The following NIBAN2 variants were observed in gnomAD, a reference collection of about 807,000 sequenced individuals.
NIBAN2 encodes the protein protein Niban 2.
In NIBAN2, 36 loss-of-function variants were observed where a neutral mutation model predicts 81.8. That is an observed-to-expected ratio of 0.44 (90% CI 0.34 to 0.58). The LOEUF (loss-of-function observed/expected upper bound fraction) is 0.58. Ranked by LOEUF, NIBAN2 falls within the 20% of genes least tolerant of loss-of-function variation. The pLI, the probability that NIBAN2 is intolerant of heterozygous loss-of-function variation, is 0.02. For synonymous variants in NIBAN2, 445 were observed against 441.6 expected (o/e 1.01, Z -0.10); for missense variants, 897 against 1,014.1 (o/e 0.88, Z 1.57).
At chr9:127,562,439 T>G (rs575646709) in intron 1 of NIBAN2, among the ~76,000 whole-genome samples, 4 of 152,294 alleles carry the variant, frequency 2.6e-5, no homozygotes. Context: ...CAGTTATCAC[T>G]CCGAGCCTGA....
rs766673423 is a variant in NIBAN2, at chr9:127,510,253, C to G, written c.1054G>C (p.Val352Leu). 2.5e-6 allele frequency: 4 copies of G among 1,614,050 alleles called. No homozygotes were observed. In the Admixed American group the frequency reaches 6.7e-5, roughly 27 times the overall value. The change falls in exon 9 of 14, where the codon GTC becomes CTC. Residue 352 changes from valine to leucine, a missense_variant. Val to Leu is a conservative substitution (Grantham distance 32, BLOSUM62 1). Coordinates refer to ENST00000373312, the MANE Select transcript of NIBAN2 (RefSeq NM_022833.4). Reference sequence around the variant, plus strand: ...TCAGTGAAGCCCTGGCTGGTGGGGACCATCAGGGCCTCCAGGATGGATGGG... The same window carrying G: ...TCAGTGAAGCCCTGGCTGGTGGGGAGCATCAGGGCCTCCAGGATGGATGGG... Reference protein sequence around the residue: ...YIPSILEALMVPTSQGFTEVR... With the variant: ...YIPSILEALMLPTSQGFTEVR...
Position 127,563,808 on chromosome 9 carries a change from C to G in NIBAN2, c.55+5012G>C, listed in dbSNP as rs1444162900. Reference sequence around the variant, plus strand: ...GAATTACAAGCGTGAGTCACCGCGCCCAGCAGAGAGGTAAGTTTTTAAAAT... The same window carrying G: ...GAATTACAAGCGTGAGTCACCGCGCGCAGCAGAGAGGTAAGTTTTTAAAAT... On this transcript the variant is annotated intron_variant, in intron 1 of 13. Coordinates refer to ENST00000373312, the MANE Select transcript of NIBAN2 (RefSeq NM_022833.4). The surrounding 1 kb of genome is among the most constrained non-coding windows in gnomAD (Gnocchi z 4.1). Among the ~76,000 whole-genome samples the G allele has an allele frequency of 6.6e-6, 1 of 152,108 alleles. No individual in the cohort carries two copies. The highest frequency in any genetic ancestry group is 2.4e-5 in the African/African-American group (1 of 41,410).
intron 2 of NIBAN2, among the ~76,000 whole-genome samples, chr9:127,530,290 C>T (rs192505178): frequency 1.1e-4 from 17 of 152,316 alleles, no homozygotes; most frequent in African/African-American, 4.1e-4. Flanking sequence ...TGAGCAGCTC[C>T]GACACACGGT....
upstream of NIBAN2, among the ~76,000 whole-genome samples, chr9:127,572,685 G>A (rs1489344465): frequency 6.6e-6 from 1 of 152,072 alleles, no homozygotes; most frequent in Non-Finnish European, 1.5e-5. Flanking sequence ...TGTCCTCACA[G>A]CTTCTGGGGT....
intron 9 of NIBAN2, 25 bp downstream of exon 9, chr9:127,510,121 C>T (rs1474961751): frequency 6.3e-7 from 1 of 1,588,896 alleles, no homozygotes; most frequent in African/African-American, 1.3e-5. Flanking sequence ...AGGAGACCCC[C>T]TCCTAGGGGC....
In NIBAN2 at chr9:127,516,994, A is replaced by G. The variant is rs1419008015; in HGVS notation, c.836T>C (p.Val279Ala). ...IQISDAVYHM[V>A]YEQAKARFEE... ...GAAGCGCGCCTTGGCCTGCTCGTAC[A>G]CCATGTGGTACACGGCGTCCGAGAT... Residue 279 changes from valine (V) to alanine (A), a missense_variant, in exon 8 of 14, where the codon GTG (valine) becomes GCG (alanine). Around this residue, in one of 3 missense-constraint regions of NIBAN2, gnomAD observed 619 missense variants for 691.0 expected, o/e 0.90. Coordinates refer to ENST00000373312, the MANE Select transcript of NIBAN2 (RefSeq NM_022833.4). The G allele has an allele frequency of 1.2e-6, 2 of 1,613,862 alleles. No homozygotes were observed. The highest frequency in any genetic ancestry group is 8.5e-7 in the Non-Finnish European group (1 of 1,179,918).
chr9:127,556,737 G>T (rs1440089131), intron 1 of NIBAN2, among the ~76,000 whole-genome samples: 1 of 152,158 alleles, frequency 6.6e-6, no homozygotes, highest in African/African-American at 2.4e-5. Flanking sequence ...GGGAGCCCAT[G>T]GTGAGTTAGC....
At chr9:127,542,278 C>A (rs80011884) in intron 1 of NIBAN2, among the ~76,000 whole-genome samples, 4,057 of 152,308 alleles carry the variant, frequency 0.027, 181 homozygotes, top group African/African-American at 0.091. Flanking sequence ...CACCACCATG[C>A]GTCTTTCAAC....
intron 5 of NIBAN2, among the ~76,000 whole-genome samples, chr9:127,522,707 C>T (rs1836966699): frequency 6.6e-6 from 1 of 151,972 alleles, no homozygotes; most frequent in Non-Finnish European, 1.5e-5. Flanking sequence ...CTGGAACACT[C>T]CTCCCCTCTC....
At chr9:127,535,517 C>A (rs558881212) in intron 1 of NIBAN2, among the ~76,000 whole-genome samples, 2 of 152,060 alleles carry the variant, frequency 1.3e-5, no homozygotes, top group East Asian at 3.9e-4. Context: ...GTGCAGGGAC[C>A]CCGCTGCCTG....
At chr9:127,576,278 G>A (rs1219557406) in intron 1 of NIBAN2, among the ~76,000 whole-genome samples, 1 of 151,944 alleles carries the variant, frequency 6.6e-6, no homozygotes, top group Non-Finnish European at 1.5e-5. Context: ...ACATCATGGG[G>A]TACAAAGTCC....
rs1836667663 is a variant in NIBAN2 at position 127,508,789 on chromosome 9, C to T, written c.1317+187G>A. 6.6e-6 allele frequency among the ~76,000 whole-genome samples: 1 copy of T among 151,864 alleles called. No individual in the cohort carries two copies. The highest frequency in any genetic ancestry group is 1.9e-4 in the East Asian group (1 of 5,150). ...GGAGGAAGGGGTCTCTAAGCTGAGA[C>T]CTGGGAAGTGAGTCAGAATTAGCCA... On this transcript the variant is annotated intron_variant, in intron 10 of 13. Transcript: ENST00000373312. This position sits in a 1 kb window ranked among gnomAD's most constrained non-coding sequence, Gnocchi z 6.4.
In NIBAN2 at chr9:127,506,698, G is replaced by T; in HGVS notation, c.*147C>A. The T allele has an allele frequency of 1.7e-6, 1 of 581,350 alleles. No individual in the cohort carries two copies. The highest frequency in any genetic ancestry group is 2.9e-6 in the Non-Finnish European group (1 of 348,662). The allele number at this position is 581,350 out of a possible 1,614,324, so 36.0% of individuals were successfully genotyped here. ...TGACTGAACCCAATAAAGTGACTCAGGTGGGCCCGCTCCCTGGCGGTGCCA... is the reference window on the plus strand; with the variant it reads ...TGACTGAACCCAATAAAGTGACTCATGTGGGCCCGCTCCCTGGCGGTGCCA... On this transcript the variant is annotated 3_prime_UTR_variant, in exon 14 of 14. Coordinates refer to ENST00000373312, the MANE Select transcript of NIBAN2 (RefSeq NM_022833.4).
chr9:127,563,222 CA>C lies in NIBAN2; in HGVS notation c.55+5597del, dbSNP rs368807901. On this transcript the variant is annotated intron_variant, in intron 1 of 13. Transcript: ENST00000373312. This position sits in a 1 kb window ranked among gnomAD's most constrained non-coding sequence, Gnocchi z 4.1. ...CCCAGCAGTGGAAAAGGAACAGAGT[CA>C]GGGGGACTAGAGGAGGCTGGATGGA... 1.1e-4 allele frequency among the ~76,000 whole-genome samples: 16 copies of C among 152,202 alleles called. No individual in the cohort carries two copies. The highest frequency in any genetic ancestry group is 3.4e-4 in the African/African-American group (14 of 41,458).
intron 1 of NIBAN2, among the ~76,000 whole-genome samples, chr9:127,548,740 A>G (rs1299812430): frequency 6.6e-6 from 1 of 152,170 alleles, no homozygotes; most frequent in Non-Finnish European, 1.5e-5. Context: ...CGGGCTAAGT[A>G]CCACATAGGG....
intron 1 of NIBAN2, among the ~76,000 whole-genome samples, chr9:127,537,242 T>A (rs990449185): frequency 1.3e-5 from 2 of 152,180 alleles, no homozygotes; most frequent in African/African-American, 2.4e-5. Flanking sequence ...ATTCTTCATT[T>A]GTAAATGGGC....
intron 8 of NIBAN2, among the ~76,000 whole-genome samples, chr9:127,510,671 G>A (rs894660966): frequency 2.0e-5 from 3 of 152,074 alleles, no homozygotes; most frequent in Non-Finnish European, 4.4e-5. Flanking sequence ...TCCTCACCTC[G>A]TGATCCACCC....
intron 8 of NIBAN2, among the ~76,000 whole-genome samples, chr9:127,513,149 C>A (rs1246639521): frequency 1.3e-5 from 2 of 152,174 alleles, no homozygotes; most frequent in East Asian, 3.9e-4. Flanking sequence ...TTTGTGGGAT[C>A]TAAAAATTAA....
At chr9:127,551,093 G>GA (rs1837567299) in intron 1 of NIBAN2, among the ~76,000 whole-genome samples, 2 of 151,812 alleles carry the variant, frequency 1.3e-5, no homozygotes, top group Admixed American at 6.6e-5. Flanking sequence ...ACGGCACTTT[G>GA]AAAAAAAACT....
Sources: allele counts gnomAD v4.1 joint callset (sites outside exome capture counted in the v4.1 genomes callset), GRCh38; gene constraint gnomAD v4.1.1; regional missense constraint gnomAD v4.1.1; non-coding constraint Gnocchi (gnomAD v3.1); transcripts MANE v1.5; gene names NCBI Gene and HGNC (gene_info 2026-07-23, HGNC 2026-07-21).